The following CPED1 variants were observed in gnomAD, a reference collection of about 807,000 sequenced individuals.
CPED1 encodes the protein cadherin like and PC-esterase domain containing 1, also known as cadherin-like and PC-esterase domain-containing protein 1.
A neutral mutation model predicts 128.2 loss-of-function variants in CPED1; 114 were observed. That is an observed-to-expected ratio of 0.89 (90% confidence interval 0.76 to 1.04). CPED1 has a LOEUF of 1.04. Among genes scored for constraint, CPED1 ranks in the 50% least tolerant of loss-of-function variants. CPED1 has a pLI of 0.00. For synonymous variants in CPED1, 462 were observed against 426.7 expected (o/e 1.08, Z -1.02); for missense variants, 1,211 against 1,207.1 (o/e 1.00, Z -0.05).
In CPED1 at chr7:121,048,728, G is replaced by T. The variant is rs149498508; in HGVS notation, c.540+1735G>T. Among the ~76,000 whole-genome samples the T allele has an allele frequency of 7.0e-3, 1,071 of 152,154 alleles. 14 individuals are homozygous for T. The highest frequency in any genetic ancestry group is 0.025 in the African/African-American group (1,025 of 41,508). ...TAATTTTTATATTTTTAGTAGAGAC[G>T]GGGTTTTGCTGTGTTGACCAGGCTG... On this transcript the variant is annotated intron_variant, in intron 4 of 22. Coordinates refer to ENST00000310396, the MANE Select transcript of CPED1 (RefSeq NM_024913.5).
At chr7:121,102,224 C>T (rs995924848) in intron 7 of CPED1, among the ~76,000 whole-genome samples, 5 of 152,054 alleles carry the variant, frequency 3.3e-5, no homozygotes, top group Admixed American at 2.6e-4. Flanking sequence ...ATTTTAAATT[C>T]CTCATCTATC....
intron 16 of CPED1, among the ~76,000 whole-genome samples, chr7:121,156,003 C>CA (rs1323947735): frequency 6.6e-6 from 1 of 151,756 alleles, no homozygotes; most frequent in Admixed American, 6.6e-5. Flanking sequence ...AACTCAATAG[C>CA]AAAAAAATAA....
intron 7 of CPED1, among the ~76,000 whole-genome samples, chr7:121,107,385 T>C (rs1282034976): frequency 6.6e-6 from 1 of 152,132 alleles, no homozygotes; most frequent in Admixed American, 6.6e-5. Context: ...AGGAAAAATC[T>C]ACTTGCCTAA....
intron 15 of CPED1, among the ~76,000 whole-genome samples, chr7:121,141,216 G>A (rs541833419): frequency 1.4e-4 from 22 of 151,952 alleles, no homozygotes; most frequent in Non-Finnish European, 2.5e-4. Flanking sequence ...TAACAAGAAA[G>A]GATCTTGTTA....
At chr7:121,244,588 G>C (rs531231215) in intron 18 of CPED1, among the ~76,000 whole-genome samples, 31 of 152,284 alleles carry the variant, frequency 2.0e-4, no homozygotes, top group Middle Eastern at 3.4e-3. Flanking sequence ...CTTGTCCTAT[G>C]CTGACCCGAT....
chr7:121,176,756 G>A (rs1796788982), intron 16 of CPED1, among the ~76,000 whole-genome samples: 2 of 152,054 alleles, frequency 1.3e-5, no homozygotes, highest in South Asian at 2.1e-4. Flanking sequence ...CATTTATAGA[G>A]GCAGTGGAAA....
At chr7:120,998,022 A>G (rs1183855755) in intron 2 of CPED1, among the ~76,000 whole-genome samples, 1 of 152,122 alleles carries the variant, frequency 6.6e-6, no homozygotes, top group Non-Finnish European at 1.5e-5. Flanking sequence ...AGAGACACAC[A>G]GGGAGAATGC....
intron 8 of CPED1, among the ~76,000 whole-genome samples, 175 bp from the exon 9 acceptor site, chr7:121,125,645 C>CT (rs897918294): frequency 2.0e-5 from 3 of 152,082 alleles, no homozygotes; most frequent in African/African-American, 2.4e-5. Flanking sequence ...TGAACTCATC[C>CT]TTTTTTTATG....
chr7:121,271,071 G>T lies in CPED1; in HGVS notation c.2722-213G>T, dbSNP rs550383497. Among the ~76,000 whole-genome samples the T allele has an allele frequency of 2.6e-5, 4 of 152,092 alleles. No individual in the cohort carries two copies. In the East Asian group the frequency reaches 7.7e-4, roughly 29 times the overall value. On this transcript the variant is annotated intron_variant, in intron 21 of 22. Transcript: ENST00000310396. Reference sequence around the variant, plus strand: ...AAGTTCAAAACTGTGTGTCACTGTAGATATTGCTGTTTTATACATAAATGA... The same window carrying T: ...AAGTTCAAAACTGTGTGTCACTGTATATATTGCTGTTTTATACATAAATGA...
At position 121,266,400 on chromosome 7, in the gene CPED1, T is replaced by C. The variant is rs768912631; in HGVS notation, c.2484T>C (p.Pro828=). ...ACTATCCCCAGTTCTGGATAAGCCC[T>C]TCATTGAGACCAACATTTGAAAATG... The part of the protein sequence containing the change: ...YSYYPQFWIS[P]SLRPTFENAL... The change falls in exon 19 of 23, where the codon CCT becomes CCC. Residue 828 remains proline (P), a synonymous_variant. Coordinates refer to ENST00000310396, the MANE Select transcript of CPED1 (RefSeq NM_024913.5). 3.7e-6 allele frequency: 6 copies of C among 1,613,224 alleles called. No individual in the cohort carries two copies. The highest frequency in any genetic ancestry group is 5.1e-6 in the Non-Finnish European group (6 of 1,179,428).
At chr7:121,033,087 A>T (rs1792779061) in intron 3 of CPED1, among the ~76,000 whole-genome samples, 1 of 152,162 alleles carries the variant, frequency 6.6e-6, no homozygotes. Flanking sequence ...ATTCTAGCAA[A>T]TAAGAGAAAA....
chr7:121,126,084 T>A (rs1795497664), intron 9 of CPED1, among the ~76,000 whole-genome samples, 192 bp downstream of exon 9: 1 of 152,202 alleles, frequency 6.6e-6, no homozygotes, highest in South Asian at 2.1e-4. Flanking sequence ...CAATCCTGCC[T>A]ATGTGTCTCT....
chr7:121,245,408 T>A (rs1798503044), intron 18 of CPED1, among the ~76,000 whole-genome samples: 1 of 152,144 alleles, frequency 6.6e-6, no homozygotes, highest in South Asian at 2.1e-4. Flanking sequence ...CAAGAAACTG[T>A]GTTTCTTGCT....
chr7:121,244,343 G>C lies in CPED1; in HGVS notation c.2310+5G>C. 2 of 1,614,032 alleles carry C rather than the reference G, an allele frequency of 1.2e-6. No homozygotes were observed. The highest frequency in any genetic ancestry group is 1.7e-6 in the Non-Finnish European group (2 of 1,179,968). On this transcript the variant is annotated splice_donor_5th_base_variant and intron_variant, in intron 18 of 22. Coordinates refer to ENST00000310396, the MANE Select transcript of CPED1 (RefSeq NM_024913.5). ...CAGTGCCTGGGAGGAAGGAAGGTAG[G>C]TTCTGGATCTAGTGGGGGAAGCCTT...
intron 7 of CPED1, among the ~76,000 whole-genome samples, chr7:121,117,772 T>A (rs1408315356): frequency 1.3e-5 from 2 of 152,144 alleles, no homozygotes; most frequent in African/African-American, 4.8e-5. Flanking sequence ...CATTCAAACT[T>A]TCTAAAGTTT....
chr7:121,110,887 A>ATC (rs1301939710), intron 7 of CPED1, among the ~76,000 whole-genome samples: 2 of 152,152 alleles, frequency 1.3e-5, no homozygotes, highest in East Asian at 3.9e-4. Flanking sequence ...TGGTGGCTTG[A>ATC]TCTAGGTTGG....
At position 121,142,100 on chromosome 7, in the gene CPED1, C is replaced by A; in HGVS notation, c.2014C>A (p.Leu672Met). The A allele has an allele frequency of 8.7e-6, 14 of 1,612,370 alleles. No homozygotes were observed. Among genetic ancestry groups the A allele is most frequent in the Non-Finnish European group, 1.2e-5 (14 of 1,178,796 alleles). ...CATCTATAGAGAAGACCGCCCAAGT[C>A]TGCCCTTGTTTGAGGCCTTCACAGC... Reference protein sequence around the residue: ...LTIYREDRPSLPLFEAFTACG... With the variant: ...LTIYREDRPSMPLFEAFTACG... Residue 672 changes from leucine (L) to methionine (M), a missense_variant, in exon 16 of 23, where the codon CTG (leucine) becomes ATG (methionine). By Grantham distance (15) the Leu-to-Met change is conservative. Transcript: ENST00000310396.
chr7:121,288,582 A>G (rs1792631234), intron 22 of CPED1, among the ~76,000 whole-genome samples: 2 of 152,220 alleles, frequency 1.3e-5, no homozygotes, highest in Admixed American at 1.3e-4. Flanking sequence ...CTGGAGATCT[A>G]TATTTTTGTA....
At chr7:121,033,223 T>A (rs543144191) in intron 3 of CPED1, among the ~76,000 whole-genome samples, 1 of 152,268 alleles carries the variant, frequency 6.6e-6, no homozygotes, top group Non-Finnish European at 1.5e-5. Flanking sequence ...CTTCCTTCTG[T>A]AGGAGGAATG....
Sources: gnomAD v4.1 joint callset for allele counts (sites outside exome capture counted in the v4.1 genomes callset) on GRCh38, gnomAD v4.1.1 for gene constraint, MANE v1.5 for transcripts, NCBI Gene and HGNC (gene_info 2026-07-23, HGNC 2026-07-21) for gene names.